Variants in AGPS observed in about 807,000 individuals in gnomAD.
The protein encoded by AGPS is alkylglycerone phosphate synthase.
In AGPS, 26 loss-of-function variants were observed where a neutral mutation model predicts 90.7. The ratio of observed to expected loss-of-function variants is 0.29; its 90% confidence interval spans 0.21 to 0.40. AGPS has a LOEUF of 0.40. AGPS is among the 10% of genes least tolerant of loss of function. The probability of loss-of-function intolerance (pLI) is 1.00; values close to 1 mark genes in which losing one functional copy is unlikely to be tolerated. For synonymous variants in AGPS, 294 were observed against 285.3 expected (o/e 1.03, Z -0.31); for missense variants, 540 against 816.1 (o/e 0.66, Z 4.12).
intron 17 of AGPS, 143 bp from the exon 18 acceptor site, chr2:177,521,126 T>G: frequency 1.3e-6 from 1 of 765,518 alleles, no homozygotes; most frequent in South Asian, 1.6e-5. Flanking sequence ...CAATGTGTAT[T>G]CCTTCCATGG....
chr2:177,457,812 G>A (rs1297070004), intron 8 of AGPS, among the ~76,000 whole-genome samples: 1 of 152,064 alleles, frequency 6.6e-6, no homozygotes, highest in African/African-American at 2.4e-5. Flanking sequence ...AGAAAAAGAG[G>A]GACTCCTCCC....
At chr2:177,452,826 A>T in intron 8 of AGPS, among the ~76,000 whole-genome samples, 1 of 149,588 alleles carries the variant, frequency 6.7e-6, no homozygotes, top group East Asian at 2.0e-4. Context: ...AGTAGTTTTA[A>T]GTTTTTGTTT....
At chr2:177,459,220 A>G (rs547135087) in intron 8 of AGPS, among the ~76,000 whole-genome samples, 2 of 152,368 alleles carry the variant, frequency 1.3e-5, no homozygotes, top group South Asian at 2.1e-4. Flanking sequence ...TAAAAATCCT[A>G]GAAGAAAACC....
At chr2:177,497,660 T>A in intron 12 of AGPS, 29 bp from the exon 13 acceptor site, 1 of 1,318,980 alleles carries the variant, frequency 7.6e-7, no homozygotes, top group Non-Finnish European at 1.1e-6. Flanking sequence ...TAGACTAACC[T>A]ATTAATATAA....
chr2:177,445,094 A>G (rs1183719030), intron 7 of AGPS, among the ~76,000 whole-genome samples: 1 of 152,250 alleles, frequency 6.6e-6, no homozygotes, highest in Non-Finnish European at 1.5e-5. Context: ...TTCTTAAATT[A>G]GATAGTGATT....
At chr2:177,419,950 C>G (rs1439217155) in intron 1 of AGPS, among the ~76,000 whole-genome samples, 1 of 151,732 alleles carries the variant, frequency 6.6e-6, no homozygotes, top group Non-Finnish European at 1.5e-5. Context: ...ACAGTGTAAA[C>G]CCAATAACAT....
intron 1 of AGPS, among the ~76,000 whole-genome samples, chr2:177,400,984 T>C (rs934723421): frequency 6.6e-6 from 1 of 152,242 alleles, no homozygotes; most frequent in African/African-American, 2.4e-5. Context: ...CTTATCACTT[T>C]AGTCACATAT....
chr2:177,423,497 A>G (rs1395422192), intron 2 of AGPS, among the ~76,000 whole-genome samples: 2 of 152,316 alleles, frequency 1.3e-5, no homozygotes, highest in East Asian at 3.9e-4. Flanking sequence ...ATAAAATATT[A>G]GAAGAAAGAA....
rs111582223 is a variant in AGPS at position 177,473,153 on chromosome 2, C to T, written c.1105+4629C>T. Among the ~76,000 whole-genome samples the T allele has an allele frequency of 6.0e-3, 908 of 152,226 alleles. 10 individuals are homozygous for T. Among genetic ancestry groups the T allele is most frequent in the African/African-American group, 0.019 (778 of 41,540 alleles). On this transcript the variant is annotated intron_variant, in intron 10 of 19. Transcript: ENST00000264167. ...TTGGAATTTTTTCTTTTTATCTCTA[C>T]TTAGAGGTAATTTGAAAGTTGCAGT... is the stretch of plus-strand genomic sequence containing the variant.
At chr2:177,393,283 G>A in intron 1 of AGPS, 1 of 985,398 alleles carries the variant, frequency 1.0e-6, no homozygotes, top group Middle Eastern at 5.2e-4. Context: ...TAACAGGCTT[G>A]AAGAACTCTC....
At chr2:177,425,482 A>T (rs938425915) in intron 2 of AGPS, among the ~76,000 whole-genome samples, 1 of 151,994 alleles carries the variant, frequency 6.6e-6, no homozygotes, top group African/African-American at 2.4e-5. Context: ...TTAGCAGGGC[A>T]TGGTGGCGCA....
chr2:177,504,593 T>G (rs1482530843), intron 14 of AGPS, among the ~76,000 whole-genome samples: 2 of 152,166 alleles, frequency 1.3e-5, no homozygotes, highest in Non-Finnish European at 2.9e-5. Flanking sequence ...TGAAATTATC[T>G]TACAGTATTT....
intron 2 of AGPS, among the ~76,000 whole-genome samples, chr2:177,433,920 C>G (rs978338588): frequency 6.6e-6 from 1 of 152,058 alleles, no homozygotes; most frequent in Non-Finnish European, 1.5e-5. Context: ...GGTATGCTTT[C>G]CAGATGCAGC....
intron 9 of AGPS, among the ~76,000 whole-genome samples, chr2:177,463,657 T>C (rs1018988538): frequency 6.6e-6 from 1 of 152,188 alleles, no homozygotes; most frequent in Admixed American, 6.5e-5. Context: ...ATCCTATTTA[T>C]TTTTCTTTAT....
intron 2 of AGPS, among the ~76,000 whole-genome samples, chr2:177,423,605 C>T (rs1018817565): frequency 6.6e-6 from 1 of 152,148 alleles, no homozygotes; most frequent in African/African-American, 2.4e-5. Flanking sequence ...TTTCCTATTT[C>T]TGATCCAAAG....
chr2:177,512,463 A>G (rs1688902984), intron 16 of AGPS, among the ~76,000 whole-genome samples: 1 of 152,144 alleles, frequency 6.6e-6, no homozygotes, highest in African/African-American at 2.4e-5. Context: ...CCCTTTTTGT[A>G]TTTATATTTT....
At chr2:177,448,742 T>C (rs1001238410) in intron 8 of AGPS, among the ~76,000 whole-genome samples, 1 of 152,176 alleles carries the variant, frequency 6.6e-6, no homozygotes, top group African/African-American at 2.4e-5. Context: ...GACATATGAA[T>C]ATAACCATGA....
chr2:177,543,493 G>A lies in AGPS; in HGVS notation c.*5298G>A, dbSNP rs769327599. On this transcript the variant is annotated 3_prime_UTR_variant, in exon 20 of 20. Transcript: ENST00000264167. ...GGCAGTACATATTCCTGCCAGGACT[G>A]TAGTAATCCTTTGGGAACTACATGT... 4 of 152,192 alleles carry A rather than the reference G, an allele frequency of 2.6e-5. No individual in the cohort carries two copies. The highest frequency in any genetic ancestry group is 2.0e-4 in the Admixed American group (3 of 15,278). The allele number at this position is 152,192 out of a possible 1,614,324, so 9.4% of individuals were successfully genotyped here. A position where few individuals can be genotyped will look rare whatever the true frequency, so the allele number is the denominator to read the frequency against.
intron 10 of AGPS, among the ~76,000 whole-genome samples, chr2:177,468,883 CATT>C (rs1192357780): frequency 6.6e-6 from 1 of 151,936 alleles, no homozygotes; most frequent in Non-Finnish European, 1.5e-5. Flanking sequence ...ATTGATAAAG[CATT>C]ATCTTATTGT....
Sources: gnomAD v4.1 joint callset for allele counts (sites outside exome capture counted in the v4.1 genomes callset) on GRCh38, gnomAD v4.1.1 for gene constraint, MANE v1.5 for transcripts, NCBI Gene and HGNC (gene_info 2026-07-23, HGNC 2026-07-21) for gene names.